The following LPP variants were observed in gnomAD, a reference collection of about 807,000 sequenced individuals.
The protein encoded by LPP is lipoma-preferred partner.
In LPP, 38 loss-of-function variants were observed where a neutral mutation model predicts 60.4. The observed-to-expected ratio is 0.63, with a 90% CI of 0.49 to 0.83. The LOEUF is 0.83. Among genes scored for constraint, LPP ranks in the 40% least tolerant of loss-of-function variants. The pLI is 0.00. For missense variants in LPP, 902 were observed against 783.6 expected (o/e 1.15, Z -1.80); for synonymous variants, 328 against 290.8 (o/e 1.13, Z -1.30).
At chr3:188,758,915 A>T (rs1433264642) in intron 8 of LPP, 1 of 152,222 alleles carries the variant, frequency 6.6e-6, no homozygotes, top group African/African-American at 2.4e-5. Flanking sequence ...TGAATATGAA[A>T]TGAGTTAATA....
chr3:188,751,116 T>C (rs976727163), intron 8 of LPP, among the ~76,000 whole-genome samples: 2 of 152,184 alleles, frequency 1.3e-5, no homozygotes, highest in Non-Finnish European at 2.9e-5. Context: ...AGAGGGAAGA[T>C]TATTCTGTTG....
At chr3:188,421,618 T>G (rs1163040608) in intron 4 of LPP, among the ~76,000 whole-genome samples, 1 of 152,188 alleles carries the variant, frequency 6.6e-6, no homozygotes, top group Non-Finnish European at 1.5e-5. Flanking sequence ...AATGGTAATA[T>G]AGCAATTAAT....
At chr3:188,625,945 G>A (rs536921127) in intron 7 of LPP, among the ~76,000 whole-genome samples, 1 of 152,164 alleles carries the variant, frequency 6.6e-6, no homozygotes, top group Non-Finnish European at 1.5e-5. Context: ...CAAAAATAAA[G>A]GATTTCTAAC....
At chr3:188,295,974 A>G (rs1747741298) in intron 2 of LPP, among the ~76,000 whole-genome samples, 1 of 151,954 alleles carries the variant, frequency 6.6e-6, no homozygotes, top group African/African-American at 2.4e-5. Context: ...AGTCTGCCTC[A>G]AGTCTTTAAG....
At position 188,629,004 on chromosome 3, in the gene LPP, C is replaced by A. The variant is rs868011498; in HGVS notation, c.1113+19160C>A. On this transcript the variant is annotated intron_variant, in intron 7 of 11. Coordinates refer to ENST00000617246, the MANE Select transcript of LPP (RefSeq NM_001375462.1). ...ACATAAAAGAACTAAAGACAAAAAA[C>A]CACATGGTCATCTCAACAGATGCAA... is the stretch of plus-strand genomic sequence containing the variant. Among the ~76,000 whole-genome samples the A allele has an allele frequency of 3.3e-5, 5 of 152,244 alleles. No individual in the cohort carries two copies. In the South Asian group the frequency reaches 1.0e-3, roughly 32 times the overall value.
intron 7 of LPP, among the ~76,000 whole-genome samples, chr3:188,623,931 C>T (rs1410992027): frequency 6.6e-6 from 1 of 152,222 alleles, no homozygotes; most frequent in South Asian, 2.1e-4. Context: ...TGGCCAAGTA[C>T]CTATGAATCA....
At chr3:188,353,508 G>C (rs1419557637) in intron 3 of LPP, among the ~76,000 whole-genome samples, 2 of 152,092 alleles carry the variant, frequency 1.3e-5, no homozygotes, top group Admixed American at 6.5e-5. Context: ...AAATTCAATT[G>C]ACTGCTCAAA....
intron 3 of LPP, among the ~76,000 whole-genome samples, chr3:188,356,928 C>T (rs73055521): frequency 0.014 from 2,085 of 152,238 alleles, 50 homozygotes; most frequent in African/African-American, 0.046. Flanking sequence ...TTACTTTGTA[C>T]GGCCAAAGCG....
intron 2 of LPP, among the ~76,000 whole-genome samples, chr3:188,269,104 C>G (rs1327080161): frequency 6.6e-6 from 1 of 152,186 alleles, no homozygotes; most frequent in East Asian, 1.9e-4. Context: ...GTTGAAATAA[C>G]AAAGCTGGTT....
intron 2 of LPP, among the ~76,000 whole-genome samples, chr3:188,263,299 C>G (rs987120815): frequency 1.3e-5 from 2 of 152,160 alleles, no homozygotes; most frequent in African/African-American, 2.4e-5. Flanking sequence ...GGAGTTGATT[C>G]ATCACTTAAG....
chr3:188,825,675 G>A (rs902833725), intron 9 of LPP, among the ~76,000 whole-genome samples: 2 of 151,974 alleles, frequency 1.3e-5, no homozygotes, highest in East Asian at 1.9e-4. Flanking sequence ...AGCCTTAACC[G>A]ACTGCCTCCT....
intron 3 of LPP, among the ~76,000 whole-genome samples, chr3:188,370,939 T>C (rs1455143960): frequency 6.6e-6 from 1 of 152,340 alleles, no homozygotes; most frequent in African/African-American, 2.4e-5. Flanking sequence ...TCTGAAGACT[T>C]GGTTTTCTTG....
chr3:188,158,038 T>G (rs946901651), intron 1 of LPP, among the ~76,000 whole-genome samples: 1 of 152,102 alleles, frequency 6.6e-6, no homozygotes, highest in African/African-American at 2.4e-5. Context: ...TAGGGGCCGT[T>G]AAGTGGTTCT....
intron 8 of LPP, among the ~76,000 whole-genome samples, chr3:188,740,875 G>A (rs550115976): frequency 1.9e-4 from 29 of 152,076 alleles, no homozygotes; most frequent in South Asian, 6.2e-4. Context: ...CTGATAAAAT[G>A]TGAAATATCT....
chr3:188,804,181 GC>G (rs1261670536), intron 9 of LPP, among the ~76,000 whole-genome samples: 122 of 130,130 alleles, frequency 9.4e-4, no homozygotes, highest in African/African-American at 3.4e-3. Flanking sequence ...TATTCTAGTA[GC>G]TTTTTTTTTA....
intron 6 of LPP, among the ~76,000 whole-genome samples, chr3:188,578,261 C>T (rs1835228051): frequency 6.6e-6 from 1 of 152,012 alleles, no homozygotes; most frequent in Admixed American, 6.6e-5. Flanking sequence ...GCCCTTTCCC[C>T]ACTTTCCTTC....
chr3:188,236,291 C>G (rs868136088), intron 2 of LPP, among the ~76,000 whole-genome samples: 1 of 152,036 alleles, frequency 6.6e-6, no homozygotes, highest in African/African-American at 2.4e-5. Flanking sequence ...AATTCACTGG[C>G]CTGAGAAGGT....
At chr3:188,824,269 G>A (rs968918267) in intron 9 of LPP, among the ~76,000 whole-genome samples, 2 of 152,180 alleles carry the variant, frequency 1.3e-5, no homozygotes, top group Non-Finnish European at 2.9e-5. Flanking sequence ...GAATGCGGTA[G>A]CAATAGAATG....
At chr3:188,416,828 G>A (rs1786417114) in intron 4 of LPP, among the ~76,000 whole-genome samples, 1 of 152,144 alleles carries the variant, frequency 6.6e-6, no homozygotes, top group Non-Finnish European at 1.5e-5. Flanking sequence ...TTGCTATTGT[G>A]TTGCTTTGGG....
Sources: allele counts gnomAD v4.1 joint callset (sites outside exome capture counted in the v4.1 genomes callset), GRCh38; gene constraint gnomAD v4.1.1; transcripts MANE v1.5; gene names NCBI Gene and HGNC (gene_info 2026-07-23, HGNC 2026-07-21).